Variants in TMEM63A observed in about 807,000 individuals in gnomAD.
The protein encoded by TMEM63A is transmembrane protein 63A.
In TMEM63A, 76 loss-of-function variants were observed where a neutral mutation model predicts 100.6. That is an observed-to-expected ratio of 0.76 (90% CI 0.63 to 0.91). TMEM63A has a LOEUF of 0.91. Among genes scored for constraint, TMEM63A ranks in the 40% least tolerant of loss-of-function variants. The probability of loss-of-function intolerance (pLI) is 0.00; values close to 1 mark genes in which losing one functional copy is unlikely to be tolerated. For missense variants in TMEM63A, 876 were observed against 1,008.8 expected, an observed-to-expected ratio of 0.87 and a Z score of 1.78; for synonymous variants, 401 against 401.1, an observed-to-expected ratio of 1.00 and a Z score of 0.00.
At chr1:225,854,694 T>TG (rs1158217330) in intron 18 of TMEM63A, among the ~76,000 whole-genome samples, 1 of 152,064 alleles carries the variant, frequency 6.6e-6, no homozygotes, top group Non-Finnish European at 1.5e-5. Context: ...AGCCTGGAGG[T>TG]GCAGGCTAGA....
chr1:225,861,971 G>A, intron 13 of TMEM63A: 1 of 590,698 alleles, frequency 1.7e-6, no homozygotes, highest in Non-Finnish European at 2.9e-6. Context: ...GGCCACATCA[G>A]CTCGAGGGGG....
chr1:225,849,875 G>A (rs1669233596), intron 21 of TMEM63A, 37 bp downstream of exon 21: 4 of 1,605,080 alleles, frequency 2.5e-6, no homozygotes, highest in African/African-American at 2.7e-5. Context: ...AGGGCTGGGA[G>A]GCCAAGGGCT....
Position 225,847,138 on chromosome 1 carries a change from TCTGCTG to T in TMEM63A, c.2320_2325del (p.Gln774_Gln775del), listed in dbSNP as rs750876984. ...CTGATGTTGTGGATGGCACCATAGG[TCTGCTG>T]CTGCTGCTGCTGCGGAGACAGTGCT... On this transcript the variant is annotated inframe_deletion, in exon 24 of 25. Coordinates refer to ENST00000366835, the MANE Select transcript of TMEM63A (RefSeq NM_014698.3). 2.5e-6 allele frequency: 4 copies of T among 1,612,016 alleles called. No individual in the cohort carries two copies. The highest frequency in any genetic ancestry group is 2.7e-5 in the African/African-American group (2 of 74,904).
intron 6 of TMEM63A, among the ~76,000 whole-genome samples, chr1:225,869,256 T>C (rs1670373264): frequency 6.6e-6 from 1 of 152,218 alleles, no homozygotes; most frequent in Non-Finnish European, 1.5e-5. Context: ...AAACACCTAG[T>C]CCTGTACGTG....
Position 225,847,118 on chromosome 1 carries a change from G to A in TMEM63A, c.2346C>T (p.Asn782=), listed in dbSNP as rs1466817465. The part of the protein sequence containing the change: ...QQQQTYGAIH[N]ISGTIPGQCL... Reference sequence around the variant, plus strand: ...ACTGTCCAGGGATAGTCCCGCTGATGTTGTGGATGGCACCATAGGTCTGCT... The same window carrying A: ...ACTGTCCAGGGATAGTCCCGCTGATATTGTGGATGGCACCATAGGTCTGCT... The change falls in exon 24 of 25, where the codon AAC becomes AAT. Residue 782 remains asparagine (N), a synonymous_variant. Transcript: ENST00000366835. 6.2e-7 allele frequency: 1 copy of A among 1,613,776 alleles called. No homozygotes were observed. The highest frequency in any genetic ancestry group is 1.7e-5 in the Admixed American group (1 of 60,014).
At chr1:225,870,140 G>A (rs1000702271) in intron 6 of TMEM63A, among the ~76,000 whole-genome samples, 4 of 151,820 alleles carry the variant, frequency 2.6e-5, no homozygotes, top group Non-Finnish European at 5.9e-5. Flanking sequence ...ACCTGAGGTC[G>A]GGAGTTGGAG....
At chr1:225,870,081 G>A (rs937743307) in intron 6 of TMEM63A, among the ~76,000 whole-genome samples, 18 of 152,068 alleles carry the variant, frequency 1.2e-4, no homozygotes, top group African/African-American at 3.4e-4. Context: ...CGGGCGCGGT[G>A]GCTCATGCCT....
chr1:225,872,683 TTTC>T (rs1559049965), intron 4 of TMEM63A, among the ~76,000 whole-genome samples: 8 of 129,806 alleles, frequency 6.2e-5, no homozygotes, highest in Admixed American at 1.9e-4. Flanking sequence ...TGTGACTGCT[TTTC>T]TTCTTTTTTT....
At chr1:225,844,573 C>G (rs558420728), downstream of TMEM63A, 1 of 1,614,176 alleles carries the variant, frequency 6.2e-7, no homozygotes, top group Admixed American at 1.7e-5. Context: ...CCTCCCAGCG[C>G]TTCTACAAGG....
intron 1 of TMEM63A, among the ~76,000 whole-genome samples, chr1:225,879,780 C>G (rs1473043360): frequency 6.6e-6 from 1 of 152,224 alleles, no homozygotes; most frequent in Non-Finnish European, 1.5e-5. Flanking sequence ...ACCTGGGCCC[C>G]AAGGGCCAAT....
intron 15 of TMEM63A, among the ~76,000 whole-genome samples, chr1:225,857,702 G>C (rs1019909576): frequency 6.6e-6 from 1 of 151,780 alleles, no homozygotes. Context: ...AGAATGGCTC[G>C]GCAAATATCT....
At position 225,871,059 on chromosome 1, in the gene TMEM63A, C is replaced by T. The variant is rs1178687169; in HGVS notation, c.371+17G>A. 6.2e-7 allele frequency: 1 copy of T among 1,612,842 alleles called. No homozygotes were observed. The stretch of plus-strand genomic sequence containing the variant: ...CAGCCCAAAGGCCCCCCAGCAGCTG[C>T]CCCCGGGTGTACTCACTGCAGACGG... On this transcript the variant is annotated intron_variant, in intron 6 of 24. Coordinates refer to ENST00000366835, the MANE Select transcript of TMEM63A (RefSeq NM_014698.3).
rs1292488533 is a variant in TMEM63A, at chr1:225,862,640, T to C, written c.828-62A>G. The C allele has an allele frequency of 1.2e-5, 19 of 1,602,398 alleles. No individual in the cohort carries two copies. Among genetic ancestry groups the C allele is most frequent in the East Asian group, 4.5e-5 (2 of 44,660 alleles). On this transcript the variant is annotated intron_variant, in intron 11 of 24. Transcript: ENST00000366835. The surrounding 1 kb of genome is among the most constrained non-coding windows in gnomAD (Gnocchi z 5.1). The stretch of plus-strand genomic sequence containing the variant: ...TAGAATCCTGTGGCAGGGACCCCCA[T>C]ACCCACAGTTCAACCATCGAACGCC...
At chr1:225,849,839 G>A in intron 21 of TMEM63A, 73 bp downstream of exon 21, 3 of 1,552,462 alleles carry the variant, frequency 1.9e-6, no homozygotes, top group Non-Finnish European at 2.6e-6. Flanking sequence ...AAAGCAATGA[G>A]GGATCTGACT....
At position 225,862,846 on chromosome 1, in the gene TMEM63A, G is replaced by A. The variant is rs1187811932; in HGVS notation, c.752C>T (p.Ala251Val). The change falls in exon 11 of 25, where the codon GCG (alanine) becomes GTG (valine). Residue 251 changes from alanine (A) to valine (V), a missense_variant. Ala to Val is a moderately conservative substitution (Grantham distance 64). Coordinates refer to ENST00000366835, the MANE Select transcript of TMEM63A (RefSeq NM_014698.3). This position sits in a 1 kb window ranked among gnomAD's most constrained non-coding sequence, Gnocchi z 5.1. ...KETVESHFRD[A>V]YPTCEVVDVQ... ...ATCAACCACCTCACACGTGGGATACGCGTCCCTGTGGCCAGGGAGAGAAGG... is the reference window on the plus strand; with the variant it reads ...ATCAACCACCTCACACGTGGGATACACGTCCCTGTGGCCAGGGAGAGAAGG... 10 of 1,613,652 alleles carry A rather than the reference G, an allele frequency of 6.2e-6. No individual in the cohort carries two copies. Among genetic ancestry groups the A allele is most frequent in the South Asian group, 5.5e-5 (5 of 91,038 alleles).
chr1:225,849,862 T>TGCAGGGCTGGGAGGC, intron 21 of TMEM63A, 50 bp downstream of exon 21: 1 of 1,594,196 alleles, frequency 6.3e-7, no homozygotes, highest in Non-Finnish European at 8.6e-7. Context: ...CTGGTGGGGA[T>TGCAGGGCTGGGAGGC]GCAGGGCTGG....
Position 225,845,595 on chromosome 1 carries a change from T to G in TMEM63A, c.*1344A>C, listed in dbSNP as rs2102799006. 1.8e-6 allele frequency: 1 copy of G among 562,344 alleles called. No homozygotes were observed. The highest frequency in any genetic ancestry group is 3.2e-6 in the Non-Finnish European group (1 of 313,776). The allele number at this position is 562,344 out of a possible 1,614,324, so 34.8% of individuals were successfully genotyped here. ...GGAACTCAGTGACATGAGCGTGCGC[T>G]GACCCCACATGGGGCCCCCTGTGCA... On this transcript the variant is annotated 3_prime_UTR_variant, in exon 25 of 25. Transcript: ENST00000366835.
In TMEM63A at chr1:225,848,540, T is replaced by TG; in HGVS notation, c.2201dup (p.Ser735LysfsTer2). 1 of 1,614,150 alleles carries TG rather than the reference T, an allele frequency of 6.2e-7. No individual in the cohort carries two copies. The highest frequency in any genetic ancestry group is 8.5e-7 in the Non-Finnish European group (1 of 1,180,048). On this transcript the variant is annotated frameshift_variant, in exon 23 of 25. Transcript: ENST00000366835. LOFTEE classifies it high-confidence loss of function. The stretch of plus-strand genomic sequence containing the variant: ...CCTCTGCCTCACTTCCTTTGTCACT[T>TG]GCAGGCTCTTCTGTCTGCAGATAAC...
chr1:225,850,107 G>GACCTCGCAGGGCCACACAGAC, intron 20 of TMEM63A, 28 bp from the exon 21 acceptor site: 5 of 1,612,102 alleles, frequency 3.1e-6, no homozygotes, highest in Non-Finnish European at 3.4e-6. Context: ...GTGAGCTGGA[G>GACCTCGCAGGGCCACACAGAC]ACCTCGCAGG....
Sources: gnomAD v4.1 joint callset for allele counts (sites outside exome capture counted in the v4.1 genomes callset) on GRCh38, gnomAD v4.1.1 for gene constraint, Gnocchi (gnomAD v3.1) non-coding constraint, MANE v1.5 for transcripts, NCBI Gene and HGNC (gene_info 2026-07-23, HGNC 2026-07-21) for gene names.